The following ZNF277 variants were observed in gnomAD, a reference collection of about 807,000 sequenced individuals.
ZNF277 encodes zinc finger protein 277.
Under a neutral mutation model 60.7 loss-of-function variants are expected in ZNF277, and 55 were observed. The ratio of observed to expected loss-of-function variants is 0.91; its 90% CI spans 0.73 to 1.13. The LOEUF (loss-of-function observed/expected upper bound fraction) is 1.13, where lower values mean the gene tolerates loss of function less well. ZNF277 is among the 50% of genes most tolerant of loss of function. ZNF277 has a pLI of 0.00. For synonymous variants in ZNF277, 178 were observed against 179.3 expected, an observed-to-expected ratio of 0.99 and a Z score of 0.06; for missense variants, 510 against 523.0, an observed-to-expected ratio of 0.98 and a Z score of 0.24.
chr7:112,325,786 C>T (rs566904037), intron 5 of ZNF277, among the ~76,000 whole-genome samples: 1 of 152,266 alleles, frequency 6.6e-6, no homozygotes, highest in East Asian at 1.9e-4. Flanking sequence ...GTTGGGGGAA[C>T]ACTTTGGAGT....
At chr7:112,229,210 G>A (rs1297956972) in intron 1 of ZNF277, among the ~76,000 whole-genome samples, 1 of 152,164 alleles carries the variant, frequency 6.6e-6, no homozygotes, top group African/African-American at 2.4e-5. Flanking sequence ...AGGAATGGAT[G>A]GAGAACATGT....
chr7:112,241,440 C>G (rs1285981139), intron 1 of ZNF277, among the ~76,000 whole-genome samples: 7 of 152,112 alleles, frequency 4.6e-5, no homozygotes, highest in Non-Finnish European at 7.4e-5. Context: ...CTATGGAAAA[C>G]AGTTTGGAGG....
intron 8 of ZNF277, among the ~76,000 whole-genome samples, chr7:112,337,188 T>C (rs753565236): frequency 6.6e-6 from 1 of 152,172 alleles, no homozygotes; most frequent in Non-Finnish European, 1.5e-5. Flanking sequence ...GCGGGGAAAG[T>C]GGTAAAAGGG....
intron 1 of ZNF277, among the ~76,000 whole-genome samples, chr7:112,222,874 C>G (rs1822070230): frequency 6.6e-6 from 1 of 152,076 alleles, no homozygotes; most frequent in Admixed American, 6.5e-5. Context: ...GGGTGGGTAC[C>G]ATCTGATCAG....
At chr7:112,259,975 A>G (rs970707742) in intron 1 of ZNF277, among the ~76,000 whole-genome samples, 4 of 152,246 alleles carry the variant, frequency 2.6e-5, no homozygotes, top group Non-Finnish European at 5.9e-5. Context: ...AGATATAAGT[A>G]TAAAAGCTAC....
chr7:112,280,166 A>G (rs571136933), intron 1 of ZNF277, among the ~76,000 whole-genome samples: 13 of 152,256 alleles, frequency 8.5e-5, no homozygotes, highest in East Asian at 5.8e-4. Context: ...CCTCTTGTCA[A>G]TTATGCTCAT....
intron 1 of ZNF277, among the ~76,000 whole-genome samples, chr7:112,284,445 G>A (rs1211441166): frequency 6.6e-6 from 1 of 152,092 alleles, no homozygotes; most frequent in East Asian, 1.9e-4. Flanking sequence ...AGTTTCATAA[G>A]TATATTACTT....
intron 2 of ZNF277, among the ~76,000 whole-genome samples, chr7:112,292,567 G>A (rs1792233801): frequency 6.6e-6 from 1 of 152,058 alleles, no homozygotes. Flanking sequence ...TAATTATAGG[G>A]GCTCTTTCCT....
intron 5 of ZNF277, among the ~76,000 whole-genome samples, chr7:112,324,394 T>G (rs2117121199): frequency 6.6e-6 from 1 of 152,264 alleles, no homozygotes; most frequent in Admixed American, 6.5e-5. Context: ...GCAATAATAA[T>G]TTAAACTGTT....
intron 5 of ZNF277, among the ~76,000 whole-genome samples, chr7:112,324,233 C>T (rs546468927): frequency 1.3e-5 from 2 of 152,150 alleles, no homozygotes; most frequent in South Asian, 2.1e-4. Context: ...GCAAAATTGC[C>T]CAACACAAAC....
At chr7:112,257,081 C>T (rs1374097366) in intron 1 of ZNF277, among the ~76,000 whole-genome samples, 1 of 152,142 alleles carries the variant, frequency 6.6e-6, no homozygotes, top group East Asian at 1.9e-4. Context: ...AGTTATTTTT[C>T]AATGGGATTA....
chr7:112,290,485 T>A (rs1033571854), intron 2 of ZNF277, among the ~76,000 whole-genome samples: 2 of 152,202 alleles, frequency 1.3e-5, no homozygotes, highest in African/African-American at 4.8e-5. Flanking sequence ...AGATATACAA[T>A]AAAATGGATG....
At chr7:112,280,522 T>A (rs1173355074) in intron 1 of ZNF277, among the ~76,000 whole-genome samples, 1 of 152,152 alleles carries the variant, frequency 6.6e-6, no homozygotes, top group African/African-American at 2.4e-5. Context: ...ATTTCCAAGA[T>A]GTTTGCCTCT....
chr7:112,211,143 T>C (rs1821736034), intron 1 of ZNF277, among the ~76,000 whole-genome samples: 1 of 152,240 alleles, frequency 6.6e-6, no homozygotes. Context: ...TCCAGAGAAC[T>C]TACTATCTCA....
intron 1 of ZNF277, among the ~76,000 whole-genome samples, chr7:112,228,454 CTTTTTTTTTTTTTT>C (rs71150013): frequency 8.2e-5 from 3 of 36,378 alleles, no homozygotes; most frequent in African/African-American, 1.0e-4. Context: ...GAGGAGAGGC[CTTTTTTTTTTTTTT>C]TTTTTTTTTT....
intron 4 of ZNF277, among the ~76,000 whole-genome samples, chr7:112,312,118 A>G (rs1485428160): frequency 6.6e-6 from 1 of 152,134 alleles, no homozygotes; most frequent in Non-Finnish European, 1.5e-5. Context: ...TGGGCTTATT[A>G]TCTGGTAGAC....
At chr7:112,308,516 T>TAA (rs142550606) in intron 4 of ZNF277, among the ~76,000 whole-genome samples, 8,872 of 151,096 alleles carry the variant, frequency 0.059, 705 homozygotes, top group African/African-American at 0.18. Context: ...GATTATGTCT[T>TAA]AAAAAAAAAT....
intron 1 of ZNF277, among the ~76,000 whole-genome samples, chr7:112,236,744 C>T (rs555771262): frequency 6.6e-6 from 1 of 152,110 alleles, no homozygotes; most frequent in Admixed American, 6.5e-5. Flanking sequence ...TAAATTACAA[C>T]CCAAAAGGCA....
chr7:112,342,717 G>A lies in ZNF277; in HGVS notation c.1341G>A (p.Gln447=). 6.2e-7 allele frequency: 1 copy of A among 1,600,706 alleles called. No homozygotes were observed. Among genetic ancestry groups the A allele is most frequent in the Non-Finnish European group, 8.5e-7 (1 of 1,175,114 alleles). The change falls in exon 12 of 12, where the codon CAG becomes CAA. Residue 447 remains glutamine, a synonymous_variant. Coordinates refer to ENST00000361822, the MANE Select transcript of ZNF277 (RefSeq NM_021994.3). ...TGAAACAAAGCAGTATTTTGAACCAGTTGCTACTATAAGAGTACTTGAAAA... is the reference window on the plus strand; with the variant it reads ...TGAAACAAAGCAGTATTTTGAACCAATTGCTACTATAAGAGTACTTGAAAA... ...YALKQSSILN[Q]LLL
Sources: allele counts gnomAD v4.1 joint callset (sites outside exome capture counted in the v4.1 genomes callset), GRCh38; gene constraint gnomAD v4.1.1; transcripts MANE v1.5; gene names NCBI Gene and HGNC (gene_info 2026-07-23, HGNC 2026-07-21).